The following MTA3 variants were observed in gnomAD, a reference collection of about 807,000 sequenced individuals.
MTA3 encodes the protein metastasis associated 1 family member 3.
In MTA3, 34 loss-of-function variants were observed where a neutral mutation model predicts 83.5. That is an observed-to-expected ratio of 0.41 (90% CI 0.31 to 0.54). The LOEUF is 0.54. MTA3 is among the 20% of genes least tolerant of loss of function. MTA3 has a pLI of 0.33. For missense variants in MTA3, 761 were observed against 726.4 expected (o/e 1.05, Z -0.55); for synonymous variants, 303 against 252.7 (o/e 1.20, Z -1.89).
At chr2:42,560,681 G>C (rs2103799390) in intron 2 of MTA3, among the ~76,000 whole-genome samples, 1 of 152,056 alleles carries the variant, frequency 6.6e-6, no homozygotes, top group South Asian at 2.1e-4. Flanking sequence ...GAGGTGGGCG[G>C]ATCACCTGAG....
At chr2:42,618,235 C>T (rs933044477) in intron 4 of MTA3, among the ~76,000 whole-genome samples, 4 of 151,952 alleles carry the variant, frequency 2.6e-5, no homozygotes, top group Admixed American at 6.6e-5. Flanking sequence ...ATGCTCTGCC[C>T]GAAAACAACT....
At chr2:42,605,212 G>C (rs1490973414) in intron 3 of MTA3, among the ~76,000 whole-genome samples, 35 of 137,982 alleles carry the variant, frequency 2.5e-4, no homozygotes, top group African/African-American at 9.3e-4. Context: ...CGGGCGGGGG[G>C]GCTGACCCCC....
At chr2:42,752,191 A>T (rs1669924138) in intron 16 of MTA3, 1 of 471,332 alleles carries the variant, frequency 2.1e-6, no homozygotes, top group South Asian at 1.5e-5. Context: ...TGCTGAGCTC[A>T]TATCAAATAC....
Position 42,756,458 on chromosome 2 carries a change from G to C in MTA3, c.*3059G>C, listed in dbSNP as rs921542424. 1.8e-5 allele frequency: 18 copies of C among 985,522 alleles called. No individual in the cohort carries two copies. The African/African-American group carries it at 2.4e-4, about 13-fold the overall frequency. 61.0% of individuals were successfully genotyped at this position (985,522 alleles called of 1,614,324 possible). On this transcript the variant is annotated 3_prime_UTR_variant, in exon 17 of 17. Transcript: ENST00000405094. ...CACTCAGAGCAGAGCAGGGGGCTGA[G>C]GGCAAGCAGGTGGGGCTGTGCGTGG...
intron 11 of MTA3, 83 bp from the exon 12 acceptor site, chr2:42,704,111 G>C: frequency 7.1e-7 from 1 of 1,403,630 alleles, no homozygotes; most frequent in Non-Finnish European, 9.7e-7. Context: ...TTATTAAATA[G>C]TGACGGTAAA....
chr2:42,599,858 T>C (rs2103991663), intron 3 of MTA3, among the ~76,000 whole-genome samples: 1 of 152,278 alleles, frequency 6.6e-6, no homozygotes, highest in South Asian at 2.1e-4. Context: ...TACTCTGTTC[T>C]CTATACAGTT....
intron 16 of MTA3, among the ~76,000 whole-genome samples, chr2:42,750,322 T>G (rs1302951460): frequency 1.3e-5 from 2 of 152,152 alleles, no homozygotes; most frequent in African/African-American, 4.8e-5. Context: ...CTTCTCTGTT[T>G]CTTCTCTCTG....
chr2:42,614,246 T>C (rs1194916829), intron 4 of MTA3: 1 of 152,060 alleles, frequency 6.6e-6, no homozygotes, highest in Non-Finnish European at 1.5e-5. Context: ...TACAGGCAAG[T>C]GCCAGCACAC....
rs550069677 is a variant in MTA3, at chr2:42,496,562, T to G, written c.-141+1308T>G. Among the ~76,000 whole-genome samples the G allele has an allele frequency of 2.7e-4, 41 of 151,270 alleles. No individual in the cohort carries two copies. The South Asian group carries it at 8.4e-3, about 31-fold the overall frequency. ...ATGCATTACAATTTAAAGGTAGAATTTTAGAGTTTGAAAGAACCTAGAGGT... is the reference window on the plus strand; with the variant it reads ...ATGCATTACAATTTAAAGGTAGAATGTTAGAGTTTGAAAGAACCTAGAGGT... On this transcript the variant is annotated intron_variant, in intron 2 of 17. Coordinates refer to the MTA3 transcript ENST00000405592.
chr2:42,571,314 C>CTTGAACCTGGG (rs1678450363), intron 2 of MTA3, among the ~76,000 whole-genome samples: 1 of 147,106 alleles, frequency 6.8e-6, no homozygotes, highest in Non-Finnish European at 1.5e-5. Flanking sequence ...CAGGAGAATC[C>CTTGAACCTGGG]AGGTGGAGGT....
At chr2:42,541,482 TC>T (rs2103748469) in intron 2 of MTA3, among the ~76,000 whole-genome samples, 1 of 152,328 alleles carries the variant, frequency 6.6e-6, no homozygotes, top group African/African-American at 2.4e-5. Flanking sequence ...CTCAATACAT[TC>T]CATGAGATAG....
At chr2:42,533,629 C>G (rs1191046108) in intron 2 of MTA3, among the ~76,000 whole-genome samples, 3 of 147,106 alleles carry the variant, frequency 2.0e-5, no homozygotes, top group African/African-American at 5.0e-5. Context: ...GTTAGGAGAT[C>G]GAGACCATCC....
At chr2:42,697,942 C>A in intron 11 of MTA3, 108 bp downstream of exon 11, 1 of 434,396 alleles carries the variant, frequency 2.3e-6, no homozygotes, top group East Asian at 6.4e-5. Context: ...GTGTATCTTT[C>A]TTCTTCTACA....
chr2:42,676,212 G>GTAGA (rs1352752182), intron 8 of MTA3, among the ~76,000 whole-genome samples: 1 of 152,232 alleles, frequency 6.6e-6, no homozygotes, highest in African/African-American at 2.4e-5. Context: ...ACACTAAAGA[G>GTAGA]TAGAACCTTT....
At position 42,504,776 on chromosome 2, in the gene MTA3, C is replaced by T. The variant is rs191317212; in HGVS notation, c.-141+9522C>T. On this transcript the variant is annotated intron_variant, in intron 2 of 17. Transcript: ENST00000405592. ...CTTCCCAAAGTGCTGGGATTACAGG[C>T]GTGAGCTACCACAGTTGGCCCCTTT... Among the ~76,000 whole-genome samples the T allele has an allele frequency of 3.3e-5, 5 of 152,154 alleles. No individual in the cohort carries two copies. The East Asian group carries it at 9.7e-4, about 29-fold the overall frequency.
chr2:42,605,777 A>G (rs1683246938), intron 3 of MTA3, among the ~76,000 whole-genome samples: 1 of 111,722 alleles, frequency 9.0e-6, no homozygotes. Flanking sequence ...CTCACTTCCC[A>G]GAAGGGGCGG....
At chr2:42,532,801 G>C (rs905616059) in intron 2 of MTA3, 1 of 378,032 alleles carries the variant, frequency 2.6e-6, no homozygotes, top group East Asian at 7.3e-5. Context: ...AGCAGCTCGG[G>C]CTCCTTCCCA....
intron 11 of MTA3, among the ~76,000 whole-genome samples, chr2:42,700,434 C>T (rs1693760741): frequency 1.3e-5 from 2 of 152,170 alleles, no homozygotes; most frequent in African/African-American, 4.8e-5. Context: ...TCTTGGCACA[C>T]TTGTTTTCCT....
intron 4 of MTA3, among the ~76,000 whole-genome samples, chr2:42,622,299 A>C (rs1252320719): frequency 6.6e-6 from 1 of 151,950 alleles, no homozygotes; most frequent in African/African-American, 2.4e-5. Context: ...GCAGGCACTC[A>C]GCAGGCTGAG....
Sources: gnomAD v4.1 joint callset for allele counts (sites outside exome capture counted in the v4.1 genomes callset) on GRCh38, gnomAD v4.1.1 for gene constraint, MANE v1.5 for transcripts, NCBI Gene and HGNC (gene_info 2026-07-23, HGNC 2026-07-21) for gene names.